The following COL4A3 variants were observed in gnomAD, a reference collection of about 807,000 sequenced individuals.
COL4A3 encodes collagen alpha-3(IV) chain.
A neutral mutation model predicts 217.4 loss-of-function variants in COL4A3; 135 were observed. That is an observed-to-expected ratio of 0.62 (90% CI 0.54 to 0.72). The LOEUF is 0.72. Among genes scored for constraint, COL4A3 ranks in the 30% least tolerant of loss-of-function variants. The pLI is 0.00. For synonymous variants in COL4A3, 690 were observed against 736.3 expected (o/e 0.94, Z 1.02); for missense variants, 1,868 against 2,119.9 (o/e 0.88, Z 2.33).
chr2:227,289,918 G>T, intron 35 of COL4A3, 81 bp from the exon 36 acceptor site: 1 of 1,362,200 alleles, frequency 7.3e-7, no homozygotes. Context: ...ATTCATTCAT[G>T]CATGCAAGCA....
At chr2:227,219,385 CT>C (rs1401760357) in intron 1 of COL4A3, among the ~76,000 whole-genome samples, 1 of 152,184 alleles carries the variant, frequency 6.6e-6, no homozygotes, top group East Asian at 1.9e-4. Context: ...CTCTTAGAGC[CT>C]TTTCCACTTA....
At chr2:227,243,266 T>C (rs548497230) in intron 3 of COL4A3, among the ~76,000 whole-genome samples, 4 of 152,322 alleles carry the variant, frequency 2.6e-5, no homozygotes, top group African/African-American at 9.6e-5. Flanking sequence ...TTTTAAAGCA[T>C]GTAAGGCTTA....
Position 227,307,704 on chromosome 2 carries a change from T to A in COL4A3, c.4253-6T>A. 4 of 1,613,916 alleles carry A rather than the reference T, an allele frequency of 2.5e-6. No individual in the cohort carries two copies. Among genetic ancestry groups the A allele is most frequent in the Non-Finnish European group, 3.4e-6 (4 of 1,179,786 alleles). On this transcript the variant is annotated splice_polypyrimidine_tract_variant and splice_region_variant and intron_variant, in intron 47 of 51. Transcript: ENST00000396578. ...TGTTGCAACATTTAGAATGTGTTTT[T>A]TGAAGGACCAGCTGGATCAGATGGA...
chr2:227,297,650 C>T, intron 41 of COL4A3, 24 bp from the exon 42 acceptor site: 2 of 1,594,528 alleles, frequency 1.3e-6, no homozygotes, highest in Non-Finnish European at 1.7e-6. Flanking sequence ...ATTAAAGAAA[C>T]TTATTAAGCC....
chr2:227,249,230 A>ATTTTTTTTTTTTTTTT (rs1247683938), intron 9 of COL4A3, among the ~76,000 whole-genome samples: 1 of 14,688 alleles, frequency 6.8e-5, no homozygotes, highest in Non-Finnish European at 1.2e-4. Flanking sequence ...ATATATATAT[A>ATTTTTTTTTTTTTTTT]TTTTTTTTTT....
intron 41 of COL4A3, 137 bp from the exon 42 acceptor site, chr2:227,297,537 T>C (rs1157824526): frequency 3.8e-6 from 3 of 783,446 alleles, no homozygotes; most frequent in African/African-American, 3.5e-5. Flanking sequence ...CAATATATTA[T>C]AAAATATATA....
intron 1 of COL4A3, among the ~76,000 whole-genome samples, chr2:227,230,050 C>CAAAA (rs778888378): frequency 4.4e-5 from 3 of 68,916 alleles, no homozygotes; most frequent in Non-Finnish European, 6.1e-5. Context: ...GACTCCATCT[C>CAAAA]AAAAAAAAAA....
chr2:227,269,200 C>CA (rs954494374), intron 23 of COL4A3, among the ~76,000 whole-genome samples: 23 of 152,262 alleles, frequency 1.5e-4, no homozygotes, highest in African/African-American at 5.5e-4. Flanking sequence ...AAGAGACATT[C>CA]AAAACCTTAG....
At chr2:227,198,458 A>C (rs1234458197) in intron 1 of COL4A3, among the ~76,000 whole-genome samples, 2 of 152,116 alleles carry the variant, frequency 1.3e-5, no homozygotes, top group African/African-American at 4.8e-5. Flanking sequence ...TCAAATGAAC[A>C]AAATTAAGTT....
intron 1 of COL4A3, among the ~76,000 whole-genome samples, chr2:227,209,822 A>G (rs2067245072): frequency 6.6e-6 from 1 of 152,178 alleles, no homozygotes; most frequent in Non-Finnish European, 1.5e-5. Flanking sequence ...AGCCTGGGCA[A>G]TAAGAGCAAA....
Position 227,308,880 on chromosome 2 carries a change from C to CA in COL4A3, c.4463-18dup, listed in dbSNP as rs769590145. ...ACTTTAACTTACTGAAAGTGATACT[C>CA]AGTCTGATGTTTCATTAGGAACTCT... On this transcript the variant is annotated intron_variant, in intron 48 of 51. Coordinates refer to ENST00000396578, the MANE Select transcript of COL4A3 (RefSeq NM_000091.5). 3.7e-6 allele frequency: 6 copies of CA among 1,612,200 alleles called. No homozygotes were observed. In the East Asian group the frequency reaches 1.3e-4, roughly 36 times the overall value.
At chr2:227,175,328 G>A (rs893857753) in intron 1 of COL4A3, among the ~76,000 whole-genome samples, 6 of 152,118 alleles carry the variant, frequency 3.9e-5, no homozygotes, top group African/African-American at 7.2e-5. Flanking sequence ...AAAATTAGCC[G>A]GGCATGGCAG....
Position 227,164,820 on chromosome 2 carries a change from G to T in COL4A3, c.87+7G>T, listed in dbSNP as rs1358691399. 1 of 1,510,888 alleles carries T rather than the reference G, an allele frequency of 6.6e-7. No individual in the cohort carries two copies. The highest frequency in any genetic ancestry group is 8.8e-7 in the Non-Finnish European group (1 of 1,136,738). The allele number at this position is 1,510,888 out of a possible 1,614,324, so 93.6% of individuals were successfully genotyped here. On this transcript the variant is annotated splice_region_variant and intron_variant, in intron 1 of 51. Coordinates refer to ENST00000396578, the MANE Select transcript of COL4A3 (RefSeq NM_000091.5). The surrounding 1 kb of genome is among the most constrained non-coding windows in gnomAD (Gnocchi z 4.8). ...GGCGCCCGCAGCCAGCAAGGTGAGT[G>T]GGGGCTGCGCGACCCCCACCCCCGC...
chr2:227,190,621 G>C (rs751119603), intron 1 of COL4A3, among the ~76,000 whole-genome samples: 5 of 152,198 alleles, frequency 3.3e-5, no homozygotes, highest in East Asian at 1.9e-4. Flanking sequence ...TATTATAAAA[G>C]TAATAGGTAG....
intron 1 of COL4A3, among the ~76,000 whole-genome samples, chr2:227,190,734 T>G (rs1349222126): frequency 1.3e-5 from 2 of 152,052 alleles, no homozygotes; most frequent in African/African-American, 4.8e-5. Flanking sequence ...TGGCGAAACC[T>G]CGTCTCTACA....
chr2:227,166,517 T>C (rs1287429981), intron 1 of COL4A3, among the ~76,000 whole-genome samples: 2 of 152,258 alleles, frequency 1.3e-5, no homozygotes, highest in East Asian at 3.8e-4. Flanking sequence ...AAAGTAATGC[T>C]TGGGGACCAT....
At position 227,284,193 on chromosome 2, in the gene COL4A3, G is replaced by C; in HGVS notation, c.2747-18G>C. On this transcript the variant is annotated intron_variant, in intron 33 of 51. Coordinates refer to ENST00000396578, the MANE Select transcript of COL4A3 (RefSeq NM_000091.5). ...CCTGAAGAATTAAGGACCTGATGTT[G>C]TTACTCCTGTCTGTTAGGGAGCCCT... 1 of 1,613,980 alleles carries C rather than the reference G, an allele frequency of 6.2e-7. No homozygotes were observed. Among genetic ancestry groups the C allele is most frequent in the Non-Finnish European group, 8.5e-7 (1 of 1,179,954 alleles).
At chr2:227,186,969 G>A (rs1046026121) in intron 1 of COL4A3, among the ~76,000 whole-genome samples, 5 of 152,074 alleles carry the variant, frequency 3.3e-5, no homozygotes, top group Non-Finnish European at 5.9e-5. Context: ...AAATTCCCTT[G>A]GGACTCTTTA....
chr2:227,291,835 C>A (rs2072760741), intron 37 of COL4A3, among the ~76,000 whole-genome samples: 2 of 152,144 alleles, frequency 1.3e-5, no homozygotes, highest in Non-Finnish European at 2.9e-5. Flanking sequence ...AAGCAGCAAC[C>A]AGATGTTTCA....
Sources: allele counts gnomAD v4.1 joint callset (sites outside exome capture counted in the v4.1 genomes callset), GRCh38; gene constraint gnomAD v4.1.1; non-coding constraint Gnocchi (gnomAD v3.1); transcripts MANE v1.5; gene names NCBI Gene and HGNC (gene_info 2026-07-23, HGNC 2026-07-21).